Variants in CCDC22 observed in about 807,000 individuals in gnomAD.
CCDC22 encodes coiled-coil domain-containing protein 22.
A neutral mutation model predicts 53.1 loss-of-function variants in CCDC22; 4 were observed. That is an observed-to-expected ratio of 0.08 (90% CI 0.04 to 0.17). The LOEUF (loss-of-function observed/expected upper bound fraction) is 0.17. Among genes scored for constraint, CCDC22 ranks in the 10% least tolerant of loss-of-function variants. CCDC22 has a pLI of 1.00. For missense variants in CCDC22, 458 were observed against 554.0 expected, an observed-to-expected ratio of 0.83 and a Z score of 1.74; for synonymous variants, 222 against 224.4, an observed-to-expected ratio of 0.99 and a Z score of 0.10.
intron 1 of CCDC22, chrX:49,236,884 C>T: frequency 2.7e-6 from 1 of 371,272 alleles, no homozygotes; most frequent in Non-Finnish European, 4.7e-6. Flanking sequence ...CATTCTCCTA[C>T]TCCAAGATCT....
chrX:49,238,856 A>G (rs1557113078), intron 2 of CCDC22, among the ~76,000 whole-genome samples: 1 of 112,226 alleles, frequency 8.9e-6, no homozygotes, highest in African/African-American at 3.2e-5. Flanking sequence ...GGCGTGCACC[A>G]CTGTGCCTGG....
intron 6 of CCDC22, among the ~76,000 whole-genome samples, chrX:49,245,933 A>G (rs1218697551): frequency 1.8e-5 from 2 of 110,337 alleles, no homozygotes; most frequent in African/African-American, 3.3e-5. Context: ...GAAGTTAACA[A>G]TAATATCTTG....
intron 16 of CCDC22, 26 bp from the exon 17 acceptor site, chrX:49,250,122 G>A (rs1557115177): frequency 3.3e-6 from 3 of 915,696 alleles, no homozygotes; most frequent in Admixed American, 5.2e-5. Context: ...TGTGTGCTGA[G>A]GGGGCATGTG....
At chrX:49,242,841 T>C in intron 3 of CCDC22, 45 bp from the exon 4 acceptor site, 1 of 870,235 alleles carries the variant, frequency 1.1e-6, no homozygotes, top group Non-Finnish European at 1.6e-6. Flanking sequence ...CCCTTTTGGA[T>C]TTGCAGCATT....
intron 3 of CCDC22, 112 bp from the exon 4 acceptor site, chrX:49,242,774 G>A: frequency 2.2e-6 from 1 of 448,576 alleles, no homozygotes; most frequent in Non-Finnish European, 3.8e-6. Flanking sequence ...ACGCAAGCTG[G>A]ATAGATGTGT....
In CCDC22 at chrX:49,248,929, A is replaced by G; in HGVS notation, c.1539+5A>G. The G allele has an allele frequency of 1.7e-6, 2 of 1,207,373 alleles. No individual in the cohort carries two copies. Among genetic ancestry groups the G allele is most frequent in the Non-Finnish European group, 2.2e-6 (2 of 893,537 alleles). The stretch of plus-strand genomic sequence containing the variant: ...CAGAAGGAAGAGATCACCAAGGTAC[A>G]CTGCCAGGGCCATGGAGGGTGGGTC... On this transcript the variant is annotated splice_donor_5th_base_variant and intron_variant, in intron 13 of 16. Coordinates refer to ENST00000376227, the MANE Select transcript of CCDC22 (RefSeq NM_014008.5).
Position 49,246,779 on chromosome X carries a change from C to T in CCDC22, c.763C>T (p.His255Tyr), listed in dbSNP as rs1557114255. ...RQRLQKQLTEHLRQSWGLLGA... is the reference protein window; with the variant it reads ...RQRLQKQLTEYLRQSWGLLGA... ...GCGGCTGCAAAAGCAACTGACTGAG[C>T]ATCTGCGCCAAAGCTGGGGCCTGCT... Residue 255 changes from histidine to tyrosine, a missense_variant, in exon 7 of 17, where the codon CAT becomes TAT. By Grantham distance (83) the His-to-Tyr change is moderately conservative. This residue lies in a region of CCDC22 where 309 missense variants were observed against 312.3 expected (regional missense o/e 0.99). Coordinates refer to ENST00000376227, the MANE Select transcript of CCDC22 (RefSeq NM_014008.5). 5.1e-6 allele frequency: 6 copies of T among 1,185,303 alleles called. No individual in the cohort carries two copies. In the South Asian group the frequency reaches 1.1e-4, roughly 22 times the overall value.
At position 49,248,097 on chromosome X, in the gene CCDC22, G is replaced by A. The variant is rs781908078; in HGVS notation, c.1093-94G>A. On this transcript the variant is annotated intron_variant, in intron 9 of 16. Coordinates refer to ENST00000376227, the MANE Select transcript of CCDC22 (RefSeq NM_014008.5). ...TCGGGGTCCTTGGCACCAGCGTGGA[G>A]CTGTTAGAGAGGCCTGTGGGGGCCA... 1.3e-5 allele frequency: 15 copies of A among 1,186,487 alleles called. No homozygotes were observed. The South Asian group carries it at 2.2e-4, about 17-fold the overall frequency.
At chrX:49,236,834 A>C (rs1306789370) in intron 1 of CCDC22, 3 of 321,207 alleles carry the variant, frequency 9.3e-6, no homozygotes, top group Admixed American at 1.1e-4. Context: ...CAGACTCCCA[A>C]ATTTTGATAT....
chrX:49,235,712 C>T lies in CCDC22; in HGVS notation c.50+26C>T, dbSNP rs200588330. On this transcript the variant is annotated intron_variant, in intron 1 of 16. Transcript: ENST00000376227. ...GTAAGGACAGAGCCCCCGCCCACCC[C>T]CGAAGCCCACATCCGGGACTCTAAA... 4.3e-6 allele frequency: 5 copies of T among 1,154,579 alleles called. No individual in the cohort carries two copies. The South Asian group carries it at 5.7e-5, about 13-fold the overall frequency.
intron 1 of CCDC22, among the ~76,000 whole-genome samples, chrX:49,236,070 G>T (rs1386341664): frequency 4.6e-5 from 5 of 108,935 alleles, no homozygotes; most frequent in African/African-American, 1.7e-4. Context: ...AGACACCTGT[G>T]CCCTAAGAAC....
chrX:49,247,633 G>T lies in CCDC22; in HGVS notation c.973-16G>T, dbSNP rs782316746. 34 of 1,186,480 alleles carry T rather than the reference G, an allele frequency of 2.9e-5. No homozygotes were observed. In the South Asian group the frequency reaches 5.6e-4, roughly 19 times the overall value. ...TGGGCCTGACACCCCAACCCTGACT[G>T]GCCTGGGCCTCCCAGGTCACGTGGG... On this transcript the variant is annotated splice_polypyrimidine_tract_variant and intron_variant, in intron 8 of 16. Transcript: ENST00000376227.
Position 49,249,499 on chromosome X carries a change from G to A in CCDC22, c.1636-10G>A, listed in dbSNP as rs781857066. The A allele has an allele frequency of 2.5e-6, 3 of 1,204,198 alleles. No homozygotes were observed. Among genetic ancestry groups the A allele is most frequent in the Non-Finnish European group, 3.4e-6 (3 of 891,816 alleles). ...CCACTGATACCTTTGAGGTCCCTGT[G>A]TCTGGTCAGGATGCCAAGAAGGACG... is the stretch of plus-strand genomic sequence containing the variant. On this transcript the variant is annotated splice_polypyrimidine_tract_variant and intron_variant, in intron 14 of 16. Coordinates refer to ENST00000376227, the MANE Select transcript of CCDC22 (RefSeq NM_014008.5).
chrX:49,237,271 G>A lies in CCDC22; in HGVS notation c.228+8G>A, dbSNP rs1557112869. 1 of 1,190,161 alleles carries A rather than the reference G, an allele frequency of 8.4e-7. No individual in the cohort carries two copies. Among genetic ancestry groups the A allele is most frequent in the Non-Finnish European group, 1.1e-6 (1 of 881,266 alleles). On this transcript the variant is annotated splice_region_variant and intron_variant, in intron 2 of 16. Coordinates refer to ENST00000376227, the MANE Select transcript of CCDC22 (RefSeq NM_014008.5). ...CTGGCTCAGGCCTGCATGGTGAGTG[G>A]CCCTCCTCCTAATGCACACATCCTC... is the stretch of plus-strand genomic sequence containing the variant.
chrX:49,243,231 A>G lies in CCDC22; in HGVS notation c.535+47A>G, dbSNP rs782519523. 17 of 1,197,636 alleles carry G rather than the reference A, an allele frequency of 1.4e-5. No homozygotes were observed. The African/African-American group carries it at 2.8e-4, about 20-fold the overall frequency. On this transcript the variant is annotated intron_variant, in intron 5 of 16. Coordinates refer to ENST00000376227, the MANE Select transcript of CCDC22 (RefSeq NM_014008.5). ...GGGGTGAGGAGGAAGGTGGGGGGGAACCTCATAGCGTTGCCATGCGGCAGG... is the reference window on the plus strand; with the variant it reads ...GGGGTGAGGAGGAAGGTGGGGGGGAGCCTCATAGCGTTGCCATGCGGCAGG...
At chrX:49,235,855 ACACACACACG>A (rs1207960851) in intron 1 of CCDC22, among the ~76,000 whole-genome samples, 169 bp downstream of exon 1, 2 of 106,315 alleles carry the variant, frequency 1.9e-5, no homozygotes, top group Non-Finnish European at 3.9e-5. Context: ...ACACACACAC[ACACACACACG>A]CACACACACA....
intron 1 of CCDC22, among the ~76,000 whole-genome samples, 161 bp downstream of exon 1, chrX:49,235,847 A>ACG (rs2065934670): frequency 1.1e-5 from 1 of 88,682 alleles, no homozygotes; most frequent in East Asian, 3.3e-4. Context: ...ACACACACAC[A>ACG]CACACACACA....
chrX:49,243,532 C>T, intron 6 of CCDC22, 70 bp downstream of exon 6: 2 of 887,136 alleles, frequency 2.3e-6, no homozygotes, highest in Non-Finnish European at 3.1e-6. Context: ...GTCCTCTGCT[C>T]TCCTTCCCCA....
Position 49,242,987 on chromosome X carries a change from C to T in CCDC22, c.463C>T (p.Leu155Phe). ...PHLRTPKLQH[L>F]QGSALQKPFH... ...CCTTCGCACTCCCAAGCTGCAGCAC[C>T]TCCAGGTGAGACCCCTGACTCCCAT... The change falls in exon 4 of 17, where the codon CTC becomes TTC. Residue 155 changes from leucine (L) to phenylalanine (F), a missense_variant. Around this residue, in one of 4 missense-constraint regions of CCDC22, gnomAD observed 309 missense variants for 312.3 expected, o/e 0.99. Transcript: ENST00000376227. 1 of 1,147,707 alleles carries T rather than the reference C, an allele frequency of 8.7e-7. No individual in the cohort carries two copies. The highest frequency in any genetic ancestry group is 1.2e-6 in the Non-Finnish European group (1 of 859,500). The allele number at this position is 1,147,707 out of a possible 1,213,427, so 94.6% of individuals were successfully genotyped here. A position where few individuals can be genotyped will look rare whatever the true frequency, so the allele number is the denominator to read the frequency against.
Sources: allele counts gnomAD v4.1 joint callset (sites outside exome capture counted in the v4.1 genomes callset), GRCh38; gene constraint gnomAD v4.1.1; regional missense constraint gnomAD v4.1.1; transcripts MANE v1.5; gene names NCBI Gene and HGNC (gene_info 2026-07-23, HGNC 2026-07-21).